The following SORCS3 variants were observed in gnomAD, a reference collection of about 807,000 sequenced individuals.
SORCS3 encodes the protein sortilin related VPS10 domain containing receptor 3.
SORCS3 carries 57 observed loss-of-function variants against 146.3 expected under a neutral mutation model. That is an observed-to-expected ratio of 0.39 (90% CI 0.31 to 0.49). The LOEUF (loss-of-function observed/expected upper bound fraction) is 0.49. Ranked by LOEUF, SORCS3 falls within the 20% of genes least tolerant of loss-of-function variation. The pLI, the probability that SORCS3 is intolerant of heterozygous loss-of-function variation, is 0.92. For missense variants in SORCS3, 1,341 were observed against 1,575.5 expected (o/e 0.85, Z 2.52); for synonymous variants, 653 against 618.5 (o/e 1.06, Z -0.83).
At chr10:104,879,328 A>G (rs1377425286) in intron 2 of SORCS3, among the ~76,000 whole-genome samples, 2 of 152,008 alleles carry the variant, frequency 1.3e-5, no homozygotes, top group Non-Finnish European at 2.9e-5. Flanking sequence ...CCCTTGGCTC[A>G]TGGTCCCTGT....
At chr10:104,748,028 C>G (rs745910516) in intron 1 of SORCS3, among the ~76,000 whole-genome samples, 3 of 152,150 alleles carry the variant, frequency 2.0e-5, no homozygotes, top group Non-Finnish European at 4.4e-5. Context: ...GTGTAAATGC[C>G]CTTAGAGCAG....
chr10:104,985,434 C>G (rs1342330706), intron 4 of SORCS3, among the ~76,000 whole-genome samples: 3 of 152,188 alleles, frequency 2.0e-5, no homozygotes, highest in Non-Finnish European at 4.4e-5. Context: ...ACTTCCCCCA[C>G]TGAAGTCTTG....
intron 20 of SORCS3, among the ~76,000 whole-genome samples, chr10:105,227,279 A>T (rs1356607528): frequency 2.0e-5 from 3 of 151,874 alleles, no homozygotes; most frequent in Non-Finnish European, 2.9e-5. Context: ...AAATTTTTAA[A>T]ATTTACTGTG....
chr10:105,125,451 A>C (rs1420992471), intron 7 of SORCS3, among the ~76,000 whole-genome samples: 1 of 152,188 alleles, frequency 6.6e-6, no homozygotes, highest in Non-Finnish European at 1.5e-5. Flanking sequence ...CGACACAGCC[A>C]GTAAACAATG....
intron 5 of SORCS3, among the ~76,000 whole-genome samples, chr10:105,081,799 A>G (rs748676119): frequency 9.9e-5 from 15 of 152,042 alleles, no homozygotes; most frequent in Admixed American, 4.6e-4. Context: ...CCAATTATGG[A>G]GATTTTCAGA....
chr10:104,842,530 A>G (rs1043341301), intron 1 of SORCS3, among the ~76,000 whole-genome samples: 3 of 152,226 alleles, frequency 2.0e-5, no homozygotes, highest in African/African-American at 7.2e-5. Context: ...TCAATAGCCA[A>G]TTAATTCCTG....
chr10:105,018,050 C>T (rs2133686378), intron 4 of SORCS3, among the ~76,000 whole-genome samples: 1 of 152,190 alleles, frequency 6.6e-6, no homozygotes, highest in African/African-American at 2.4e-5. Context: ...CTGAATTAGC[C>T]AAAGGTGAAT....
chr10:105,091,841 G>A (rs1243601578), intron 6 of SORCS3, among the ~76,000 whole-genome samples: 1 of 152,152 alleles, frequency 6.6e-6, no homozygotes, highest in African/African-American at 2.4e-5. Context: ...GAGGAGGACA[G>A]CAAATAGCCA....
At chr10:104,757,685 G>A (rs946951379) in intron 1 of SORCS3, among the ~76,000 whole-genome samples, 1 of 152,176 alleles carries the variant, frequency 6.6e-6, no homozygotes, top group Non-Finnish European at 1.5e-5. Flanking sequence ...GTTCGGGGGT[G>A]TGAACTTTCT....
intron 1 of SORCS3, among the ~76,000 whole-genome samples, chr10:104,693,287 G>A (rs1486220748): frequency 6.6e-6 from 1 of 152,194 alleles, no homozygotes; most frequent in Non-Finnish European, 1.5e-5. Context: ...CCTCACGGAT[G>A]TGTGAGGTTT....
chr10:104,866,792 C>T (rs1443360529), intron 2 of SORCS3, among the ~76,000 whole-genome samples: 1 of 152,140 alleles, frequency 6.6e-6, no homozygotes, highest in East Asian at 1.9e-4. Context: ...TTTACTAACT[C>T]AGGTACTTTT....
At chr10:104,984,725 G>T (rs1399918362) in intron 4 of SORCS3, among the ~76,000 whole-genome samples, 3 of 152,024 alleles carry the variant, frequency 2.0e-5, no homozygotes, top group Non-Finnish European at 4.4e-5. Context: ...GATATTGTGG[G>T]TTCAGTTCCA....
chr10:104,920,125 T>C lies in SORCS3; in HGVS notation c.795+4193T>C, dbSNP rs552017161. Among the ~76,000 whole-genome samples the C allele has an allele frequency of 6.6e-5, 10 of 152,360 alleles. No homozygotes were observed. The East Asian group carries it at 9.7e-4, about 15-fold the overall frequency. On this transcript the variant is annotated intron_variant, in intron 3 of 26. Coordinates refer to ENST00000369701, the MANE Select transcript of SORCS3 (RefSeq NM_014978.3). Reference sequence around the variant, plus strand: ...CCCAAATTATCTGTAGCAACCCATTTCATCAGTCAGCCAATGGCAGTAGTC... The same window carrying C: ...CCCAAATTATCTGTAGCAACCCATTCCATCAGTCAGCCAATGGCAGTAGTC...
intron 1 of SORCS3, among the ~76,000 whole-genome samples, chr10:104,769,691 G>A (rs1362035303): frequency 6.6e-6 from 1 of 152,080 alleles, no homozygotes; most frequent in Non-Finnish European, 1.5e-5. Context: ...TGGAGCCAGG[G>A]ACATTTAGCT....
At position 104,805,889 on chromosome 10, in the gene SORCS3, C is replaced by A. The variant is rs188474478; in HGVS notation, c.628-36903C>A. On this transcript the variant is annotated intron_variant, in intron 1 of 26. Coordinates refer to ENST00000369701, the MANE Select transcript of SORCS3 (RefSeq NM_014978.3). ...CCCCTCTTTACTTATTCTTTTCTTT[C>A]TTTTTCTCTTTTTCTCTCTTGCGTG... Among the ~76,000 whole-genome samples the A allele has an allele frequency of 2.6e-5, 4 of 152,126 alleles. No homozygotes were observed. In the East Asian group the frequency reaches 7.7e-4, roughly 29 times the overall value.
intron 3 of SORCS3, among the ~76,000 whole-genome samples, chr10:104,933,190 T>A (rs2019224936): frequency 6.6e-6 from 1 of 152,094 alleles, no homozygotes; most frequent in African/African-American, 2.4e-5. Context: ...TGTGATAGAG[T>A]CTCAGGGTAG....
At chr10:105,028,686 TC>T (rs1241948783) in intron 4 of SORCS3, among the ~76,000 whole-genome samples, 9 of 152,196 alleles carry the variant, frequency 5.9e-5, no homozygotes, top group Non-Finnish European at 1.5e-5. Context: ...TCAAACGTCC[TC>T]CACAGGGTGG....
chr10:105,130,212 C>T (rs150702501), intron 7 of SORCS3, among the ~76,000 whole-genome samples: 21 of 152,218 alleles, frequency 1.4e-4, no homozygotes, highest in Admixed American at 3.9e-4. Context: ...TGTACAAGGT[C>T]ACCAAACCAG....
At chr10:104,960,625 T>G (rs1249219755) in intron 3 of SORCS3, among the ~76,000 whole-genome samples, 1 of 152,194 alleles carries the variant, frequency 6.6e-6, no homozygotes, top group Admixed American at 6.5e-5. Context: ...ATGAGTGGAT[T>G]TGATACATTA....
Sources: allele counts gnomAD v4.1 joint callset (sites outside exome capture counted in the v4.1 genomes callset), GRCh38; gene constraint gnomAD v4.1.1; transcripts MANE v1.5; gene names NCBI Gene and HGNC (gene_info 2026-07-23, HGNC 2026-07-21).